The following FOXP1 variants were observed in gnomAD, a reference collection of about 807,000 sequenced individuals.
The protein encoded by FOXP1 is forkhead box protein P1.
In FOXP1, 15 loss-of-function variants were observed where a neutral mutation model predicts 98.2. That is an observed-to-expected ratio of 0.15 (90% CI 0.10 to 0.24). The LOEUF (loss-of-function observed/expected upper bound fraction) is 0.24. Ranked by LOEUF, FOXP1 falls within the 10% of genes least tolerant of loss-of-function variation. FOXP1 has a pLI of 1.00. For missense variants in FOXP1, 633 were observed against 848.5 expected (o/e 0.75, Z 3.15); for synonymous variants, 371 against 314.5 (o/e 1.18, Z -1.90).
chr3:71,095,248 TA>T (rs34794181), intron 7 of FOXP1, among the ~76,000 whole-genome samples: 20 of 152,208 alleles, frequency 1.3e-4, no homozygotes, highest in African/African-American at 3.1e-4. Flanking sequence ...TAAATTGTGT[TA>T]AAAAAAATAT....
chr3:71,362,981 T>A (rs76881937), intron 3 of FOXP1, among the ~76,000 whole-genome samples: 9,800 of 152,252 alleles, frequency 0.064, 380 homozygotes, highest in African/African-American at 0.099. Context: ...TTCTTTTATG[T>A]CTTGTTTCTA....
At chr3:71,140,917 C>T (rs1408729692) in intron 6 of FOXP1, among the ~76,000 whole-genome samples, 1 of 150,334 alleles carries the variant, frequency 6.7e-6, no homozygotes, top group Non-Finnish European at 1.5e-5. Flanking sequence ...AGTTTGAGGC[C>T]AGCACAGGCA....
chr3:71,583,797 C>G, upstream of FOXP1: 1 of 986,988 alleles, frequency 1.0e-6, no homozygotes, highest in Non-Finnish European at 1.2e-6. Flanking sequence ...CGGAGCCCAG[C>G]CAGCGCCGGT....
intron 3 of FOXP1, among the ~76,000 whole-genome samples, chr3:71,416,587 C>CACAT (rs1352142709): frequency 2.8e-5 from 3 of 105,698 alleles, no homozygotes; most frequent in Admixed American, 2.7e-4. Context: ...CACACACACA[C>CACAT]ACACACGCAA....
intron 3 of FOXP1, among the ~76,000 whole-genome samples, chr3:71,427,622 A>G (rs913608183): frequency 1.3e-5 from 2 of 152,246 alleles, no homozygotes; most frequent in African/African-American, 2.4e-5. Context: ...TCAGGCTATC[A>G]CAATTGTATG....
intron 13 of FOXP1, among the ~76,000 whole-genome samples, chr3:70,998,643 A>C (rs886775299): frequency 6.6e-6 from 1 of 152,216 alleles, no homozygotes; most frequent in Admixed American, 6.5e-5. Context: ...TGTCTATCAA[A>C]GCTGAAAAAT....
At chr3:70,996,863 G>C (rs1004957358) in intron 13 of FOXP1, among the ~76,000 whole-genome samples, 2 of 152,208 alleles carry the variant, frequency 1.3e-5, no homozygotes, top group Non-Finnish European at 2.9e-5. Context: ...ATGCTGAAGA[G>C]AGAGGTCTTG....
Position 71,402,630 on chromosome 3 carries a change from T to C in FOXP1, c.-167-43386A>G, listed in dbSNP as rs1171591776. ...TCAGCATGAAGTAGTTAGGATACAA[T>C]ATAGTTTGATACTAAACTTGTAAAC... On this transcript the variant is annotated intron_variant, in intron 3 of 20. Coordinates refer to ENST00000649528, the MANE Select transcript of FOXP1 (RefSeq NM_001349338.3). 1.1e-4 allele frequency among the ~76,000 whole-genome samples: 16 copies of C among 152,168 alleles called. No homozygotes were observed. In the East Asian group the frequency reaches 1.9e-3, roughly 18 times the overall value.
Position 71,581,710 on chromosome 3 carries a change from A to G in FOXP1, c.-446-13T>C. 1.0e-6 allele frequency: 1 copy of G among 985,778 alleles called. No individual in the cohort carries two copies. Among genetic ancestry groups the G allele is most frequent in the Non-Finnish European group, 1.2e-6 (1 of 830,178 alleles). The allele number at this position is 985,778 out of a possible 1,614,324, so 61.1% of individuals were successfully genotyped here. The stretch of plus-strand genomic sequence containing the variant: ...AAACTTTCGGGTTCTGCAGTCGACA[A>G]GAAACCGGGGCGACCCTCAGCAAGT... On this transcript the variant is annotated splice_polypyrimidine_tract_variant and intron_variant, in intron 1 of 20. Transcript: ENST00000649528.
chr3:71,009,880 C>T (rs1197628824), intron 12 of FOXP1, among the ~76,000 whole-genome samples: 2 of 151,338 alleles, frequency 1.3e-5, no homozygotes, highest in East Asian at 3.9e-4. Flanking sequence ...TCCCAATTAA[C>T]TAAGACTATG....
At chr3:71,120,588 A>G (rs1272873192) in intron 6 of FOXP1, among the ~76,000 whole-genome samples, 1 of 152,222 alleles carries the variant, frequency 6.6e-6, no homozygotes, top group Non-Finnish European at 1.5e-5. Flanking sequence ...GTTTGAGTCA[A>G]AGTGGAAAGG....
At chr3:71,235,506 C>T (rs1733509) in intron 5 of FOXP1, among the ~76,000 whole-genome samples, 120,874 of 152,116 alleles carry the variant, frequency 0.79, 48,333 homozygotes, top group African/African-American at 0.89. Context: ...GAGCCCACCA[C>T]GCCTAATAAG....
At chr3:71,311,703 T>G (rs1384303952) in intron 4 of FOXP1, among the ~76,000 whole-genome samples, 1 of 152,168 alleles carries the variant, frequency 6.6e-6, no homozygotes, top group East Asian at 1.9e-4. Context: ...TCTCCCAGAA[T>G]TACCCACATC....
chr3:71,504,887 G>GCAT (rs2041690906), intron 2 of FOXP1, among the ~76,000 whole-genome samples: 1 of 152,202 alleles, frequency 6.6e-6, no homozygotes, highest in South Asian at 2.1e-4. Flanking sequence ...CAAAGCCTGT[G>GCAT]CTGCACTGCA....
At chr3:71,537,901 T>C (rs998844234) in intron 2 of FOXP1, among the ~76,000 whole-genome samples, 1 of 152,218 alleles carries the variant, frequency 6.6e-6, no homozygotes, top group African/African-American at 2.4e-5. Context: ...ATGAACACGA[T>C]GTGAAATTGA....
At chr3:71,167,092 C>T (rs887086002) in intron 6 of FOXP1, among the ~76,000 whole-genome samples, 1 of 151,882 alleles carries the variant, frequency 6.6e-6, no homozygotes, top group African/African-American at 2.4e-5. Flanking sequence ...TGTTATCCAG[C>T]CAAATTTGAT....
intron 3 of FOXP1, among the ~76,000 whole-genome samples, chr3:71,447,838 T>C (rs2086593111): frequency 6.6e-6 from 1 of 152,208 alleles, no homozygotes; most frequent in Non-Finnish European, 1.5e-5. Context: ...AAGATCATAG[T>C]GAAATTTCAA....
intron 3 of FOXP1, among the ~76,000 whole-genome samples, chr3:71,491,466 C>T (rs775309383): frequency 7.2e-5 from 11 of 152,186 alleles, no homozygotes; most frequent in Non-Finnish European, 1.5e-4. Flanking sequence ...GTAAAAAGAT[C>T]AAAGATCACT....
intron 2 of FOXP1, among the ~76,000 whole-genome samples, chr3:71,580,061 C>T (rs2048038025): frequency 6.6e-6 from 1 of 151,920 alleles, no homozygotes; most frequent in Non-Finnish European, 1.5e-5. Context: ...CCAGGGTTCT[C>T]CGTGTAGCAG....
Sources: gnomAD v4.1 joint callset for allele counts (sites outside exome capture counted in the v4.1 genomes callset) on GRCh38, gnomAD v4.1.1 for gene constraint, MANE v1.5 for transcripts, NCBI Gene and HGNC (gene_info 2026-07-23, HGNC 2026-07-21) for gene names.